PCDHA5: variants seen among roughly 807,000 people sequenced by gnomAD.
The protein encoded by PCDHA5 is protocadherin alpha-5.
Under a neutral mutation model 61.6 loss-of-function variants are expected in PCDHA5, and 43 were observed. The ratio of observed to expected loss-of-function variants is 0.70; its 90% CI spans 0.55 to 0.90. The LOEUF is 0.90. Among genes scored for constraint, PCDHA5 ranks in the 40% least tolerant of loss-of-function variants. The pLI is 0.00. For synonymous variants in PCDHA5, 627 were observed against 543.9 expected, an observed-to-expected ratio of 1.15 and a Z score of -2.13; for missense variants, 1,298 against 1,222.7, an observed-to-expected ratio of 1.06 and a Z score of -0.92.
intron 1 of PCDHA5, among the ~76,000 whole-genome samples, chr5:140,879,219 A>G (rs2057906971): frequency 6.6e-6 from 1 of 152,252 alleles, no homozygotes; most frequent in South Asian, 2.1e-4. Context: ...AATGAATTGA[A>G]AAAGACATAT....
intron 3 of PCDHA5, among the ~76,000 whole-genome samples, chr5:140,999,859 C>T (rs2153959609): frequency 6.6e-6 from 1 of 152,256 alleles, no homozygotes; most frequent in South Asian, 2.1e-4. Context: ...TCTTCCGCTC[C>T]AAGATTACTG....
Position 140,868,506 on chromosome 5 carries a change from A to T in PCDHA5, c.2352+44379A>T, listed in dbSNP as rs1250178704. 3 of 152,422 alleles carry T rather than the reference A, an allele frequency of 2.0e-5. No individual in the cohort carries two copies. The East Asian group carries it at 5.8e-4, about 29-fold the overall frequency. 9.4% of individuals were successfully genotyped at this position (152,422 alleles called of 1,614,324 possible). On this transcript the variant is annotated intron_variant, in intron 1 of 3. Transcript: ENST00000529859. ...TTTTCTTTGAGTTCCCTAGCAGCCA[A>T]AGTAACAAGGGAGACTGAAAGTAAA... is the stretch of plus-strand genomic sequence containing the variant.
chr5:140,870,168 C>A, intron 1 of PCDHA5: 1 of 1,614,108 alleles, frequency 6.2e-7, no homozygotes, highest in Admixed American at 1.7e-5. Context: ...CTTCCTTGTC[C>A]CTCCCAGTAC....
At chr5:140,857,087 C>T (rs782316831) in intron 1 of PCDHA5, 8 of 1,597,160 alleles carry the variant, frequency 5.0e-6, no homozygotes, top group East Asian at 2.2e-5. Flanking sequence ...TGATAATTCA[C>T]CTGAGGTGAT....
intron 1 of PCDHA5, chr5:140,857,395 C>T (rs1554149953): frequency 6.3e-7 from 1 of 1,598,586 alleles, no homozygotes; most frequent in South Asian, 1.1e-5. Context: ...ACGTGAACGA[C>T]AACGCGCCTG....
chr5:140,896,053 C>T (rs371706160), intron 1 of PCDHA5, among the ~76,000 whole-genome samples: 8 of 152,164 alleles, frequency 5.3e-5, no homozygotes, highest in Non-Finnish European at 1.2e-4. Context: ...TCAGGTGATC[C>T]GCCTGCCTCG....
chr5:140,994,105 A>G (rs1264024543), intron 3 of PCDHA5, among the ~76,000 whole-genome samples: 2 of 152,226 alleles, frequency 1.3e-5, no homozygotes, highest in African/African-American at 2.4e-5. Context: ...TGGAAATATT[A>G]CATTGTCATG....
chr5:140,858,025 G>A, intron 1 of PCDHA5: 1 of 1,596,948 alleles, frequency 6.3e-7, no homozygotes, highest in Non-Finnish European at 8.6e-7. Context: ...CGTCGCTGAC[G>A]GCCACGGCCA....
intron 1 of PCDHA5, chr5:140,871,293 G>A (rs1206433527): frequency 6.2e-7 from 1 of 1,613,794 alleles, no homozygotes; most frequent in Non-Finnish European, 8.5e-7. Context: ...CTGAGGGCGC[G>A]TGCGCGCCGG....
chr5:140,903,275 T>G (rs1313552617), intron 1 of PCDHA5, among the ~76,000 whole-genome samples: 1 of 152,210 alleles, frequency 6.6e-6, no homozygotes, highest in East Asian at 1.9e-4. Context: ...TGAGGTAGTG[T>G]CTCATTGTGC....
chr5:140,931,304 G>A (rs1218460625), intron 1 of PCDHA5, among the ~76,000 whole-genome samples: 13 of 152,056 alleles, frequency 8.5e-5, no homozygotes, highest in Non-Finnish European at 1.9e-4. Context: ...CAAAAAGAGA[G>A]GAGAATACCA....
chr5:140,893,866 C>T (rs915926825), intron 1 of PCDHA5, among the ~76,000 whole-genome samples: 5 of 152,102 alleles, frequency 3.3e-5, no homozygotes, highest in African/African-American at 1.2e-4. Context: ...TAGAAACAAC[C>T]CAGATCCAAA....
Position 140,973,027 on chromosome 5 carries a change from T to C in PCDHA5, c.2353-5922T>C, listed in dbSNP as rs373487044. On this transcript the variant is annotated intron_variant, in intron 1 of 3. Coordinates refer to ENST00000529859, the MANE Select transcript of PCDHA5 (RefSeq NM_018908.3). ...TCGTGGTGTTGTGATTGTTAATGAG[T>C]CACTTTGAGTACTCTAGTAGATTTG... Among the ~76,000 whole-genome samples the C allele has an allele frequency of 2.6e-5, 4 of 152,042 alleles. No individual in the cohort carries two copies. The East Asian group carries it at 5.8e-4, about 22-fold the overall frequency.
chr5:140,835,574 G>T (rs1192023261), intron 1 of PCDHA5: 2 of 1,613,868 alleles, frequency 1.2e-6, no homozygotes, highest in Admixed American at 1.7e-5. Flanking sequence ...CCTTCAAGTT[G>T]GTGTCCACCT....
At chr5:140,951,936 C>G (rs2153694375) in intron 1 of PCDHA5, among the ~76,000 whole-genome samples, 1 of 152,278 alleles carries the variant, frequency 6.6e-6, no homozygotes, top group Admixed American at 6.5e-5. Context: ...TCCCAAGATA[C>G]AGTGCGGGTA....
At chr5:140,837,391 T>A (rs1444543611) in intron 1 of PCDHA5, among the ~76,000 whole-genome samples, 1 of 152,024 alleles carries the variant, frequency 6.6e-6, no homozygotes, top group East Asian at 1.9e-4. Context: ...GTTCCTTGTT[T>A]GTATAAGAAA....
chr5:140,968,935 C>T, intron 1 of PCDHA5: 1 of 1,614,172 alleles, frequency 6.2e-7, no homozygotes, highest in Non-Finnish European at 8.5e-7. Context: ...TTTTGACAAT[C>T]ATCATTTTGA....
intron 1 of PCDHA5, among the ~76,000 whole-genome samples, chr5:140,826,585 A>ATAAATT (rs1196363952): frequency 6.6e-6 from 1 of 152,170 alleles, no homozygotes; most frequent in Non-Finnish European, 1.5e-5. Flanking sequence ...CTTCAAATGG[A>ATAAATT]TAACATTAAG....
chr5:140,841,081 A>G (rs2150310957), intron 1 of PCDHA5: 5 of 541,186 alleles, frequency 9.2e-6, no homozygotes, highest in East Asian at 3.1e-5. Context: ...TAGAAAGTGC[A>G]TAGAAGAACC....
Sources: allele counts gnomAD v4.1 joint callset (sites outside exome capture counted in the v4.1 genomes callset), GRCh38; gene constraint gnomAD v4.1.1; transcripts MANE v1.5; gene names NCBI Gene and HGNC (gene_info 2026-07-23, HGNC 2026-07-21).